The following NID1 variants were observed in gnomAD, a reference collection of about 807,000 sequenced individuals.
The protein encoded by NID1 is nidogen-1.
A neutral mutation model predicts 130.6 loss-of-function variants in NID1; 76 were observed. That is an observed-to-expected ratio of 0.58 (90% CI 0.48 to 0.70). The LOEUF (loss-of-function observed/expected upper bound fraction) is 0.70, where lower values mean the gene tolerates loss of function less well. Ranked by LOEUF, NID1 falls within the 30% of genes least tolerant of loss-of-function variation. NID1 has a pLI of 0.00. For missense variants in NID1, 1,517 were observed against 1,664.8 expected (o/e 0.91, Z 1.54); for synonymous variants, 665 against 675.1 (o/e 0.98, Z 0.23).
At chr1:235,999,781 A>G (rs1000941158) in intron 12 of NID1, among the ~76,000 whole-genome samples, 4 of 152,176 alleles carry the variant, frequency 2.6e-5, no homozygotes, top group African/African-American at 9.7e-5. Context: ...TAAAATTCCA[A>G]GTCCGCCTAC....
chr1:236,029,474 C>T (rs536274431), intron 7 of NID1, 76 bp downstream of exon 7: 427 of 1,410,096 alleles, frequency 3.0e-4, no homozygotes, highest in Non-Finnish European at 3.9e-4. Context: ...CCCCAGTTCA[C>T]GGCTGCCGTG....
chr1:236,004,790 A>G (rs1177238979), intron 12 of NID1, among the ~76,000 whole-genome samples: 1 of 151,192 alleles, frequency 6.6e-6, no homozygotes, highest in South Asian at 2.1e-4. Context: ...AAAGTTAAAA[A>G]CTAAAGGGGC....
In NID1 at chr1:235,979,696, T is replaced by G; in HGVS notation, c.3509+126A>C. On this transcript the variant is annotated intron_variant, in intron 18 of 19. Transcript: ENST00000264187. The surrounding 1 kb of genome is among the most constrained non-coding windows in gnomAD (Gnocchi z 4.6). The stretch of plus-strand genomic sequence containing the variant: ...AGAAGGATAAGGGAGAGGGGACATC[T>G]CTAGAGGGGGCATTTCTGGAGGCTC... 9.8e-7 allele frequency: 1 copy of G among 1,016,780 alleles called. No individual in the cohort carries two copies. The highest frequency in any genetic ancestry group is 1.5e-5 in the South Asian group (1 of 68,146). The allele number at this position is 1,016,780 out of a possible 1,614,324, so 63.0% of individuals were successfully genotyped here. A position where few individuals can be genotyped will look rare whatever the true frequency, so the allele number is the denominator to read the frequency against.
At position 236,064,913 on chromosome 1, in the gene NID1, G is replaced by T; in HGVS notation, c.167C>A (p.Ala56Asp). Residue 56 changes from alanine to aspartate, a missense_variant, in exon 1 of 20, where the codon GCC becomes GAC. Ala to Asp is a moderately radical substitution (Grantham distance 126). Around this residue, in one of 3 missense-constraint regions of NID1, gnomAD observed 1,329 missense variants for 1,429.2 expected, o/e 0.93. Transcript: ENST00000264187. ...LEDGDDFVSP[A>D]LELSGALRFY... is the part of the protein sequence containing the mutation. ...GCGGAGCGCCCCACTCAGCTCCAGG[G>T]CAGGAGAGACGAAGTCATCCCCGTC... 1.2e-6 allele frequency: 2 copies of T among 1,612,242 alleles called. No homozygotes were observed. Among genetic ancestry groups the T allele is most frequent in the Non-Finnish European group, 1.7e-6 (2 of 1,179,448 alleles).
At chr1:236,061,465 T>C (rs766970374) in intron 1 of NID1, among the ~76,000 whole-genome samples, 16 of 152,280 alleles carry the variant, frequency 1.1e-4, no homozygotes, top group Middle Eastern at 6.8e-3. Flanking sequence ...TCTTCTCTTT[T>C]TTTTGTTTTT....
At chr1:235,981,577 A>G (rs1657437014) in intron 16 of NID1, 34 bp downstream of exon 16, 1 of 1,582,292 alleles carries the variant, frequency 6.3e-7, no homozygotes, top group Non-Finnish European at 8.6e-7. Flanking sequence ...GATGCAAATC[A>G]AAGAGATGCA....
chr1:235,987,692 G>A (rs1657613728), intron 14 of NID1, among the ~76,000 whole-genome samples: 1 of 152,204 alleles, frequency 6.6e-6, no homozygotes, highest in Non-Finnish European at 1.5e-5. Flanking sequence ...AACCCTGGGA[G>A]TGGGTTCTTG....
At chr1:235,980,879 C>G (rs1037822108) in intron 16 of NID1, among the ~76,000 whole-genome samples, 1 of 152,182 alleles carries the variant, frequency 6.6e-6, no homozygotes, top group Admixed American at 6.5e-5. Flanking sequence ...ATTTGGTTCC[C>G]TTTAACATAA....
At chr1:236,061,412 A>G (rs1227033046) in intron 1 of NID1, among the ~76,000 whole-genome samples, 2 of 152,186 alleles carry the variant, frequency 1.3e-5, no homozygotes, top group African/African-American at 2.4e-5. Context: ...CTTGCCGGCT[A>G]ATGTTATCCA....
At chr1:236,034,547 T>G (rs1474545494) in intron 5 of NID1, among the ~76,000 whole-genome samples, 1 of 151,980 alleles carries the variant, frequency 6.6e-6, no homozygotes, top group Non-Finnish European at 1.5e-5. Context: ...CAAAAGGTCA[T>G]GTATTGTACG....
chr1:236,033,311 A>G (rs1230413654), intron 5 of NID1, among the ~76,000 whole-genome samples: 1 of 152,042 alleles, frequency 6.6e-6, no homozygotes, highest in Non-Finnish European at 1.5e-5. Context: ...GTCTCAAAAA[A>G]AGAGAGAGAG....
chr1:235,981,892 T>C, intron 15 of NID1, 110 bp from the exon 16 acceptor site: 5 of 972,726 alleles, frequency 5.1e-6, no homozygotes, highest in Non-Finnish European at 7.5e-6. Flanking sequence ...CCCTGCACTT[T>C]AAGAAACCAA....
intron 9 of NID1, among the ~76,000 whole-genome samples, chr1:236,020,056 A>C (rs944226309): frequency 4.4e-5 from 6 of 137,298 alleles, no homozygotes; most frequent in African/African-American, 8.1e-5. Flanking sequence ...AAAAAAAAAA[A>C]AACAAAAACA....
At position 236,048,851 on chromosome 1, in the gene NID1, A is replaced by C; in HGVS notation, c.364T>G (p.Tyr122Asp). The part of the protein sequence containing the change: ...DTTDGLGKVY[Y>D]REDLSPSITQ... ...ATGGAGGGGGATAAGTCTTCTCGAT[A>C]ATAAACCTTCCCCAGGCCATCGGTC... The change falls in exon 2 of 20, where the codon TAT becomes GAT. Residue 122 changes from tyrosine to aspartate, a missense_variant. Transcript: ENST00000264187. 1 of 1,614,128 alleles carries C rather than the reference A, an allele frequency of 6.2e-7. No individual in the cohort carries two copies. The highest frequency in any genetic ancestry group is 8.5e-7 in the Non-Finnish European group (1 of 1,180,018).
intron 9 of NID1, among the ~76,000 whole-genome samples, chr1:236,023,037 C>T (rs187428937): frequency 4.4e-4 from 64 of 146,534 alleles, no homozygotes; most frequent in Non-Finnish European, 7.6e-4. Flanking sequence ...CCAGCCTGAG[C>T]GACACAGCAA....
At chr1:236,010,146 T>C (rs1383739848) in intron 12 of NID1, among the ~76,000 whole-genome samples, 3 of 152,202 alleles carry the variant, frequency 2.0e-5, no homozygotes, top group Non-Finnish European at 4.4e-5. Context: ...CAAATGATCA[T>C]AAACTCTTCT....
At chr1:236,057,224 A>T (rs191622524) in intron 1 of NID1, among the ~76,000 whole-genome samples, 21 of 152,216 alleles carry the variant, frequency 1.4e-4, no homozygotes, top group African/African-American at 4.8e-4. Context: ...GTGCCACTGC[A>T]CTCCGGCCTG....
intron 9 of NID1, among the ~76,000 whole-genome samples, chr1:236,022,489 T>C (rs1217264747): frequency 6.6e-6 from 1 of 151,168 alleles, no homozygotes; most frequent in Non-Finnish European, 1.5e-5. Flanking sequence ...TACAGACACC[T>C]GCCACCATGC....
chr1:236,029,600 G>A lies in NID1; in HGVS notation c.1688C>T (p.Ser563Phe), dbSNP rs769957527. 11 of 1,593,044 alleles carry A rather than the reference G, an allele frequency of 6.9e-6. No homozygotes were observed. Among genetic ancestry groups the A allele is most frequent in the Non-Finnish European group, 9.4e-6 (11 of 1,169,988 alleles). Residue 563 changes from serine (S) to phenylalanine (F), a missense_variant, in exon 7 of 20, where the codon TCC becomes TTC. Physicochemically the swap from Ser to Phe is radical, Grantham distance 155. Coordinates refer to ENST00000264187, the MANE Select transcript of NID1 (RefSeq NM_002508.3). ...EGRVPQIPFGSSVHIEPYTEL... is the reference protein window; with the variant it reads ...EGRVPQIPFGFSVHIEPYTEL... ...CGTGTAGGGCTCAATGTGCACGGAG[G>A]AGCCGAACGGAATCTGCGGCACGCG...
Sources: allele counts gnomAD v4.1 joint callset (sites outside exome capture counted in the v4.1 genomes callset), GRCh38; gene constraint gnomAD v4.1.1; regional missense constraint gnomAD v4.1.1; non-coding constraint Gnocchi (gnomAD v3.1); transcripts MANE v1.5; gene names NCBI Gene and HGNC (gene_info 2026-07-23, HGNC 2026-07-21).